Variants in EFCAB5 observed in about 807,000 individuals in gnomAD.
EFCAB5 encodes the protein EF-hand calcium binding domain 5, also known as EF-hand calcium-binding domain-containing protein 5.
EFCAB5 carries 131 observed loss-of-function variants against 167.9 expected under a neutral mutation model. The observed-to-expected ratio is 0.78, with a 90% CI of 0.68 to 0.90. The LOEUF (loss-of-function observed/expected upper bound fraction) is 0.90. Among genes scored for constraint, EFCAB5 ranks in the 40% least tolerant of loss-of-function variants. The pLI, the probability that EFCAB5 is intolerant of heterozygous loss-of-function variation, is 0.00. For missense variants in EFCAB5, 1,663 were observed against 1,745.2 expected (o/e 0.95, Z 0.84); for synonymous variants, 574 against 602.8 (o/e 0.95, Z 0.70).
At chr17:30,070,620 A>G (rs573416105) in intron 14 of EFCAB5, among the ~76,000 whole-genome samples, 2 of 152,260 alleles carry the variant, frequency 1.3e-5, no homozygotes, top group Non-Finnish European at 2.9e-5. Context: ...ATGCTGGGGA[A>G]ATTGGATGTT....
chr17:30,061,943 C>T (rs147732470), intron 14 of EFCAB5, among the ~76,000 whole-genome samples: 1 of 152,160 alleles, frequency 6.6e-6, no homozygotes, highest in Non-Finnish European at 1.5e-5. Flanking sequence ...AGCTATAGAA[C>T]ATGTGGCCTG....
intron 14 of EFCAB5, chr17:30,069,166 T>G: frequency 6.5e-7 from 1 of 1,544,692 alleles, no homozygotes; most frequent in Middle Eastern, 1.7e-4. Flanking sequence ...GACAAGAGAA[T>G]CCACATCTTC....
intron 3 of EFCAB5, among the ~76,000 whole-genome samples, chr17:29,957,328 T>A (rs931932749): frequency 1.3e-5 from 2 of 152,070 alleles, no homozygotes; most frequent in African/African-American, 2.4e-5. Flanking sequence ...TTTTAATTTT[T>A]ATTTTATTTT....
At chr17:30,052,372 G>A (rs1446447151) in intron 9 of EFCAB5, among the ~76,000 whole-genome samples, 6 of 151,952 alleles carry the variant, frequency 3.9e-5, no homozygotes, top group Non-Finnish European at 7.4e-5. Context: ...TTGCCATGTT[G>A]GGCAGGCAGG....
intron 14 of EFCAB5, among the ~76,000 whole-genome samples, chr17:30,064,206 A>G (rs1196063004): frequency 3.3e-5 from 5 of 152,272 alleles, no homozygotes; most frequent in Admixed American, 6.5e-5. Context: ...AAAGGAATTT[A>G]AAATAATGAT....
chr17:29,959,737 T>C (rs896808927), intron 3 of EFCAB5, among the ~76,000 whole-genome samples: 2 of 152,146 alleles, frequency 1.3e-5, no homozygotes, highest in African/African-American at 4.8e-5. Flanking sequence ...CTGTCCTTTC[T>C]CCTTTCCTTA....
At chr17:30,045,164 AG>A (rs888228587) in intron 8 of EFCAB5, among the ~76,000 whole-genome samples, 4 of 152,184 alleles carry the variant, frequency 2.6e-5, no homozygotes, top group Admixed American at 2.0e-4. Context: ...CTGATTAAGA[AG>A]GGACATAAGT....
At chr17:30,087,025 T>C (rs1316571160) in intron 18 of EFCAB5, 38 bp from the exon 19 acceptor site, 1 of 1,572,074 alleles carries the variant, frequency 6.4e-7, no homozygotes, top group Non-Finnish European at 8.7e-7. Context: ...GAATATGAGG[T>C]CTAATTACTC....
At chr17:30,030,312 A>G (rs1326780340) in intron 7 of EFCAB5, among the ~76,000 whole-genome samples, 2 of 152,180 alleles carry the variant, frequency 1.3e-5, no homozygotes, top group African/African-American at 2.4e-5. Context: ...TGAAAAATCC[A>G]GAAGTGTCTC....
intron 1 of EFCAB5, among the ~76,000 whole-genome samples, chr17:29,933,880 C>T (rs2067223249): frequency 6.6e-6 from 1 of 152,064 alleles, no homozygotes; most frequent in South Asian, 2.1e-4. Flanking sequence ...TTTTCCACAT[C>T]ATGACATCCA....
chr17:29,976,662 T>C (rs1345600085), intron 4 of EFCAB5, among the ~76,000 whole-genome samples: 1 of 152,174 alleles, frequency 6.6e-6, no homozygotes, highest in Admixed American at 6.5e-5. Flanking sequence ...GAAAAGTCCA[T>C]TCACTTTAGG....
Position 30,047,766 on chromosome 17 carries a change from AG to A in EFCAB5, c.1201-3351del, listed in dbSNP as rs2069968535. On this transcript the variant is annotated intron_variant, in intron 8 of 22. Coordinates refer to ENST00000394835, the MANE Select transcript of EFCAB5 (RefSeq NM_198529.4). Reference sequence around the variant, plus strand: ...TTATTACTGGATCTACTTACAGAAAAGCACTAACTATAGGTCCAGAAACATG... The same window carrying A: ...TTATTACTGGATCTACTTACAGAAAACACTAACTATAGGTCCAGAAACATG... Among the ~76,000 whole-genome samples, 3 of 152,324 alleles carry A rather than the reference AG, an allele frequency of 2.0e-5. No homozygotes were observed. The South Asian group carries it at 6.2e-4, about 32-fold the overall frequency.
At chr17:29,954,782 G>A (rs551610490) in intron 3 of EFCAB5, among the ~76,000 whole-genome samples, 3 of 152,194 alleles carry the variant, frequency 2.0e-5, no homozygotes, top group Non-Finnish European at 4.4e-5. Context: ...AGCCAGAGAC[G>A]TTCAATGCTA....
chr17:30,069,101 A>T, intron 14 of EFCAB5: 1 of 1,478,164 alleles, frequency 6.8e-7, no homozygotes, highest in African/African-American at 1.4e-5. Context: ...ATCCGAGTTA[A>T]AAGAGTGGTG....
At chr17:30,011,886 T>C (rs1244194703) in intron 7 of EFCAB5, among the ~76,000 whole-genome samples, 1 of 152,192 alleles carries the variant, frequency 6.6e-6, no homozygotes, top group Non-Finnish European at 1.5e-5. Context: ...TTATACCATA[T>C]ATAGATCTTA....
chr17:30,050,622 G>T (rs2070064905), intron 8 of EFCAB5, among the ~76,000 whole-genome samples: 1 of 152,074 alleles, frequency 6.6e-6, no homozygotes, highest in African/African-American at 2.4e-5. Flanking sequence ...AGCAATGGAG[G>T]TCTCACTGTG....
intron 15 of EFCAB5, among the ~76,000 whole-genome samples, chr17:30,079,425 T>C (rs564378070): frequency 1.3e-5 from 2 of 152,282 alleles, no homozygotes; most frequent in South Asian, 4.1e-4. Flanking sequence ...TCAAGGAAAG[T>C]GTCTCACATG....
At chr17:30,104,509 G>A (rs904897614) in intron 22 of EFCAB5, among the ~76,000 whole-genome samples, 3 of 151,222 alleles carry the variant, frequency 2.0e-5, no homozygotes, top group Non-Finnish European at 2.9e-5. Flanking sequence ...CTATAGCTTA[G>A]ATATATTCAA....
upstream of EFCAB5, chr17:29,941,571 C>T: frequency 2.7e-6 from 1 of 376,534 alleles, no homozygotes. Context: ...AATGATCTAG[C>T]TTTGGTCAGT....
Sources: gnomAD v4.1 joint callset for allele counts (sites outside exome capture counted in the v4.1 genomes callset) on GRCh38, gnomAD v4.1.1 for gene constraint, MANE v1.5 for transcripts, NCBI Gene and HGNC (gene_info 2026-07-23, HGNC 2026-07-21) for gene names.